The following ZDHHC14 variants were observed in gnomAD, a reference collection of about 807,000 sequenced individuals.
The protein encoded by ZDHHC14 is palmitoyltransferase ZDHHC14.
In ZDHHC14, 16 loss-of-function variants were observed where a neutral mutation model predicts 47.7. The ratio of observed to expected loss-of-function variants is 0.34; its 90% CI spans 0.23 to 0.51. The LOEUF (loss-of-function observed/expected upper bound fraction) is 0.51, where lower values mean the gene tolerates loss of function less well. ZDHHC14 is among the 20% of genes least tolerant of loss of function. The probability of loss-of-function intolerance (pLI) is 0.97; values close to 1 mark genes in which losing one functional copy is unlikely to be tolerated. For synonymous variants in ZDHHC14, 293 were observed against 278.9 expected, an observed-to-expected ratio of 1.05 and a Z score of -0.50; for missense variants, 515 against 662.5, an observed-to-expected ratio of 0.78 and a Z score of 2.44.
At chr6:157,620,276 G>T (rs966372682) in intron 3 of ZDHHC14, among the ~76,000 whole-genome samples, 7 of 152,174 alleles carry the variant, frequency 4.6e-5, no homozygotes, top group African/African-American at 1.7e-4. Flanking sequence ...AGGGGGCTGG[G>T]CATGCTGGCT....
chr6:157,631,470 T>C (rs1785736075), intron 4 of ZDHHC14: 1 of 152,236 alleles, frequency 6.6e-6, no homozygotes, highest in Non-Finnish European at 1.5e-5. Context: ...CCTATCTGGC[T>C]TGGCATGTGA....
intron 1 of ZDHHC14, among the ~76,000 whole-genome samples, chr6:157,522,945 C>A (rs1332460027): frequency 1.9e-5 from 1 of 52,808 alleles, no homozygotes; most frequent in Non-Finnish European, 3.4e-5. Flanking sequence ...TTCTTTCTTT[C>A]CTTCCTTCCT....
intron 1 of ZDHHC14, among the ~76,000 whole-genome samples, chr6:157,504,248 C>T (rs1320609928): frequency 6.6e-6 from 1 of 151,892 alleles, no homozygotes; most frequent in African/African-American, 2.4e-5. Context: ...CGCTGTGCCG[C>T]CCAGGCTGGA....
At chr6:157,415,797 C>T (rs547478289) in intron 1 of ZDHHC14, among the ~76,000 whole-genome samples, 2 of 151,784 alleles carry the variant, frequency 1.3e-5, no homozygotes, top group African/African-American at 4.8e-5. Context: ...TGGCTTGAAC[C>T]TGGGAGGCAG....
In ZDHHC14 at chr6:157,447,942, G is replaced by C. The variant is rs562829988; in HGVS notation, c.245+65676G>C. ...GCTGGAGTGCAGTGGTGTGATCATA[G>C]CTCACTGCAGCCTCAAACTCCTAGG... is the stretch of plus-strand genomic sequence containing the variant. On this transcript the variant is annotated intron_variant, in intron 1 of 8. Coordinates refer to ENST00000359775, the MANE Select transcript of ZDHHC14 (RefSeq NM_024630.3). Among the ~76,000 whole-genome samples the C allele has an allele frequency of 2.6e-3, 393 of 152,236 alleles. 1 individual carries two copies. Among genetic ancestry groups the C allele is most frequent in the Non-Finnish European group, 4.3e-3 (294 of 68,024 alleles).
At chr6:157,382,919 A>G (rs1355123655) in intron 1 of ZDHHC14, among the ~76,000 whole-genome samples, 1 of 152,218 alleles carries the variant, frequency 6.6e-6, no homozygotes, top group Non-Finnish European at 1.5e-5. Flanking sequence ...AGGTTGCAAT[A>G]AAAGGTGTCC....
Position 157,480,861 on chromosome 6 carries a change from A to C in ZDHHC14, c.246-61724A>C, listed in dbSNP as rs578146157. ...GAGATAAAATAGATTTTCATATTGC[A>C]ACAAAAGGGGTATAAATATTATATT... On this transcript the variant is annotated intron_variant, in intron 1 of 8. Coordinates refer to ENST00000359775, the MANE Select transcript of ZDHHC14 (RefSeq NM_024630.3). 8.5e-5 allele frequency among the ~76,000 whole-genome samples: 13 copies of C among 152,344 alleles called. 1 individual carries two copies. Among genetic ancestry groups the C allele is most frequent in the African/African-American group, 3.1e-4 (13 of 41,584 alleles).
intron 1 of ZDHHC14, among the ~76,000 whole-genome samples, chr6:157,475,843 T>C (rs1239998857): frequency 6.6e-6 from 1 of 152,160 alleles, no homozygotes; most frequent in African/African-American, 2.4e-5. Context: ...ACAACCAATT[T>C]CTTCTTTGAT....
chr6:157,672,683 T>G (rs753079678), intron 8 of ZDHHC14, 41 bp from the exon 9 acceptor site: 14 of 762,188 alleles, frequency 1.8e-5, no homozygotes, highest in Non-Finnish European at 2.0e-5. Context: ...CTCTGCCCCC[T>G]CCTCTCCACC....
At chr6:157,403,242 G>A (rs138455302) in intron 1 of ZDHHC14, among the ~76,000 whole-genome samples, 1 of 152,274 alleles carries the variant, frequency 6.6e-6, no homozygotes, top group Non-Finnish European at 1.5e-5. Flanking sequence ...GAATTTCTTT[G>A]TTTTGTCCCT....
At chr6:157,491,662 C>G (rs923000786) in intron 1 of ZDHHC14, among the ~76,000 whole-genome samples, 3 of 152,216 alleles carry the variant, frequency 2.0e-5, no homozygotes, top group African/African-American at 7.2e-5. Flanking sequence ...CTCAAATCAG[C>G]TGCTTTGGCT....
chr6:157,413,447 G>A (rs144078502), intron 1 of ZDHHC14, among the ~76,000 whole-genome samples: 2,179 of 152,218 alleles, frequency 0.014, 47 homozygotes, highest in African/African-American at 0.05. Flanking sequence ...CTGGTAAGAC[G>A]TCACTGCCTT....
At chr6:157,484,851 T>C (rs2114720602) in intron 1 of ZDHHC14, among the ~76,000 whole-genome samples, 1 of 152,192 alleles carries the variant, frequency 6.6e-6, no homozygotes, top group South Asian at 2.1e-4. Context: ...TTCCGGATAG[T>C]GAAGCTGATA....
intron 1 of ZDHHC14, among the ~76,000 whole-genome samples, chr6:157,506,055 C>T (rs546441333): frequency 1.9e-4 from 29 of 152,328 alleles, no homozygotes; most frequent in African/African-American, 6.7e-4. Flanking sequence ...ACTGATCATC[C>T]GTGGGAAAAC....
chr6:157,546,256 A>T (rs1031737748), intron 2 of ZDHHC14, among the ~76,000 whole-genome samples: 5 of 152,244 alleles, frequency 3.3e-5, no homozygotes, highest in African/African-American at 1.2e-4. Flanking sequence ...GTTTCAATGA[A>T]ATCTTAACAC....
chr6:157,390,527 ACAT>A (rs1466927552), intron 1 of ZDHHC14, among the ~76,000 whole-genome samples: 1 of 152,070 alleles, frequency 6.6e-6, no homozygotes, highest in Non-Finnish European at 1.5e-5. Flanking sequence ...ATTATATATG[ACAT>A]CATTTTATAT....
intron 1 of ZDHHC14, among the ~76,000 whole-genome samples, chr6:157,404,919 G>A (rs189606198): frequency 2.0e-5 from 3 of 152,064 alleles, no homozygotes; most frequent in Non-Finnish European, 2.9e-5. Flanking sequence ...TTCCTTATGC[G>A]CTACTGACAT....
intron 1 of ZDHHC14, among the ~76,000 whole-genome samples, chr6:157,443,207 C>T (rs1037379214): frequency 2.0e-5 from 3 of 152,178 alleles, no homozygotes; most frequent in African/African-American, 7.2e-5. Context: ...CTTCTCTCTC[C>T]TGCTGCCTTA....
intron 2 of ZDHHC14, among the ~76,000 whole-genome samples, chr6:157,546,364 A>G (rs1781972242): frequency 6.6e-6 from 1 of 152,202 alleles, no homozygotes; most frequent in East Asian, 1.9e-4. Flanking sequence ...TCCGTTGTAG[A>G]TCTCTTCCTT....
Sources: allele counts gnomAD v4.1 joint callset (sites outside exome capture counted in the v4.1 genomes callset), GRCh38; gene constraint gnomAD v4.1.1; transcripts MANE v1.5; gene names NCBI Gene and HGNC (gene_info 2026-07-23, HGNC 2026-07-21).